The following PPP2R2B variants were observed in gnomAD, a reference collection of about 807,000 sequenced individuals.
The protein encoded by PPP2R2B is serine/threonine-protein phosphatase 2A 55 kDa regulatory subunit B beta isoform.
In PPP2R2B, 5 loss-of-function variants were observed where a neutral mutation model predicts 46.0. The observed-to-expected ratio is 0.11, with a 90% CI of 0.06 to 0.23. The LOEUF is 0.23. Among genes scored for constraint, PPP2R2B ranks in the 10% least tolerant of loss-of-function variants. The pLI is 1.00. For missense variants in PPP2R2B, 367 were observed against 575.0 expected (o/e 0.64, Z 3.70); for synonymous variants, 215 against 206.7 (o/e 1.04, Z -0.34).
intron 2 of PPP2R2B, among the ~76,000 whole-genome samples, chr5:147,066,260 A>T (rs796159117): frequency 7.9e-5 from 12 of 152,304 alleles, no homozygotes; most frequent in African/African-American, 2.9e-4. Context: ...CCATGGAGTG[A>T]GTAAGTTAGT....
intron 1 of PPP2R2B, among the ~76,000 whole-genome samples, chr5:147,001,394 A>C (rs1422236612): frequency 1.3e-5 from 2 of 151,260 alleles, no homozygotes; most frequent in African/African-American, 4.9e-5. Context: ...GGAAGAAACA[A>C]CTCCAGACAC....
intron 1 of PPP2R2B, among the ~76,000 whole-genome samples, chr5:146,899,320 T>C (rs1409510695): frequency 2.7e-5 from 4 of 148,486 alleles, no homozygotes; most frequent in Admixed American, 2.0e-4. Context: ...TCATGTCCTT[T>C]GTAGGGATGT....
intron 2 of PPP2R2B, among the ~76,000 whole-genome samples, chr5:147,073,298 C>T (rs1404734375): frequency 1.3e-5 from 2 of 152,138 alleles, no homozygotes; most frequent in African/African-American, 4.8e-5. Context: ...ATGCAAAGAA[C>T]CCGCTTCCCT....
At chr5:147,058,143 A>G (rs537131641), upstream of PPP2R2B, among the ~76,000 whole-genome samples, 20 of 152,326 alleles carry the variant, frequency 1.3e-4, no homozygotes, top group African/African-American at 4.8e-4. Flanking sequence ...AGTAGATAGT[A>G]AATATTAGGT....
chr5:146,652,762 C>G (rs1180065286), intron 5 of PPP2R2B, among the ~76,000 whole-genome samples: 2 of 4,008 alleles, frequency 5.0e-4, no homozygotes, highest in South Asian at 0.027. Flanking sequence ...GAGGCAACAC[C>G]CCCCCCCAAA....
chr5:146,748,046 G>A (rs1753299872), intron 2 of PPP2R2B, among the ~76,000 whole-genome samples: 1 of 152,128 alleles, frequency 6.6e-6, no homozygotes, highest in Non-Finnish European at 1.5e-5. Context: ...CCCATCTACT[G>A]AGCTCTTGGC....
At chr5:146,737,662 T>C (rs1462649342) in intron 2 of PPP2R2B, among the ~76,000 whole-genome samples, 3 of 152,210 alleles carry the variant, frequency 2.0e-5, no homozygotes, top group Admixed American at 6.5e-5. Flanking sequence ...GAATAAACAA[T>C]GCTTATTTAG....
At chr5:146,732,339 A>G (rs1318182170) in intron 2 of PPP2R2B, among the ~76,000 whole-genome samples, 1 of 152,218 alleles carries the variant, frequency 6.6e-6, no homozygotes, top group East Asian at 1.9e-4. Context: ...GATAAATGAT[A>G]ATATTTAGTC....
chr5:146,872,376 C>G (rs909086996), intron 2 of PPP2R2B, among the ~76,000 whole-genome samples: 7 of 152,322 alleles, frequency 4.6e-5, no homozygotes, highest in African/African-American at 1.7e-4. Flanking sequence ...AACATTCATC[C>G]ATATGCATTG....
intron 2 of PPP2R2B, among the ~76,000 whole-genome samples, chr5:146,829,634 TAA>T (rs1487711918): frequency 1.3e-5 from 2 of 152,118 alleles, no homozygotes; most frequent in Admixed American, 1.3e-4. Context: ...AGACACCATA[TAA>T]AGAGTCCTGC....
chr5:146,783,851 A>G (rs1755682067), intron 2 of PPP2R2B, among the ~76,000 whole-genome samples: 1 of 152,252 alleles, frequency 6.6e-6, no homozygotes, highest in African/African-American at 2.4e-5. Context: ...ATCGGGGGAT[A>G]GGAAGAGCAA....
At chr5:146,982,546 T>A (rs1439903398) in intron 1 of PPP2R2B, among the ~76,000 whole-genome samples, 1 of 152,192 alleles carries the variant, frequency 6.6e-6, no homozygotes, top group Non-Finnish European at 1.5e-5. Context: ...GTCAATTAGA[T>A]CCTGTCGGTT....
intron 1 of PPP2R2B, among the ~76,000 whole-genome samples, chr5:146,952,954 A>C (rs2151836670): frequency 6.6e-6 from 1 of 152,320 alleles, no homozygotes; most frequent in South Asian, 2.1e-4. Flanking sequence ...AATCATAGTA[A>C]GTTTAGGCAG....
intron 2 of PPP2R2B, among the ~76,000 whole-genome samples, chr5:146,703,509 C>A (rs367901780): frequency 9.2e-5 from 14 of 152,150 alleles, no homozygotes; most frequent in Admixed American, 7.9e-4. Context: ...ACAATGAGAA[C>A]TAAAGATGGG....
chr5:146,776,594 T>C (rs981768988), intron 2 of PPP2R2B, among the ~76,000 whole-genome samples: 1 of 152,088 alleles, frequency 6.6e-6, no homozygotes, highest in African/African-American at 2.4e-5. Flanking sequence ...GACTTGGCAA[T>C]AGTTTTAATA....
chr5:146,883,780 G>A (rs1474325312), intron 1 of PPP2R2B, among the ~76,000 whole-genome samples: 2 of 152,140 alleles, frequency 1.3e-5, no homozygotes. Flanking sequence ...ATCCTTTAAC[G>A]TGGCATTTAA....
chr5:146,620,917 C>A (rs946385714), intron 7 of PPP2R2B, among the ~76,000 whole-genome samples: 2 of 152,188 alleles, frequency 1.3e-5, no homozygotes. Context: ...GCCATGGCAC[C>A]GCAGAGGCCA....
chr5:146,985,058 T>G (rs978829296), intron 1 of PPP2R2B, among the ~76,000 whole-genome samples: 5 of 140,708 alleles, frequency 3.6e-5, no homozygotes, highest in African/African-American at 1.3e-4. Context: ...TCTCACTCTG[T>G]CAACCAGGCT....
intron 7 of PPP2R2B, among the ~76,000 whole-genome samples, chr5:146,601,411 A>G (rs933703747): frequency 6.6e-6 from 1 of 152,158 alleles, no homozygotes; most frequent in African/African-American, 2.4e-5. Context: ...AGCCTGGATA[A>G]CATAGGAAGA....
Sources: allele counts gnomAD v4.1 joint callset (sites outside exome capture counted in the v4.1 genomes callset), GRCh38; gene constraint gnomAD v4.1.1; transcripts MANE v1.5; gene names NCBI Gene and HGNC (gene_info 2026-07-23, HGNC 2026-07-21).